Variants in CSPP1 observed in about 807,000 individuals in gnomAD.
CSPP1 encodes centrosome and spindle pole-associated protein 1.
CSPP1 carries 126 observed loss-of-function variants against 164.4 expected under a neutral mutation model. The ratio of observed to expected loss-of-function variants is 0.77; its 90% CI spans 0.66 to 0.89. The LOEUF is 0.89. Ranked by LOEUF, CSPP1 falls within the 40% of genes least tolerant of loss-of-function variation. The pLI is 0.00. For missense variants in CSPP1, 1,395 were observed against 1,449.8 expected (o/e 0.96, Z 0.61); for synonymous variants, 472 against 476.7 (o/e 0.99, Z 0.13).
At chr8:67,116,781 G>C (rs541979096) in intron 13 of CSPP1, among the ~76,000 whole-genome samples, 51 of 152,146 alleles carry the variant, frequency 3.4e-4, no homozygotes, top group African/African-American at 1.1e-3. Context: ...TTTGTTCACT[G>C]TTAGTGTATT....
chr8:67,137,949 A>C (rs922965216), intron 17 of CSPP1, among the ~76,000 whole-genome samples: 1 of 152,216 alleles, frequency 6.6e-6, no homozygotes, highest in Non-Finnish European at 1.5e-5. Flanking sequence ...CAATTTAAAA[A>C]AAATAAACTA....
intron 15 of CSPP1, among the ~76,000 whole-genome samples, chr8:67,122,278 G>T (rs910490091): frequency 3.3e-5 from 5 of 150,992 alleles, no homozygotes; most frequent in African/African-American, 1.2e-4. Context: ...CTTACTTTGG[G>T]TTCCGTTTGC....
chr8:67,077,259 T>C (rs1808135713), intron 3 of CSPP1, among the ~76,000 whole-genome samples: 1 of 152,036 alleles, frequency 6.6e-6, no homozygotes, highest in African/African-American at 2.4e-5. Flanking sequence ...GTTCAAGCAA[T>C]CCTCCTGCCT....
chr8:67,152,079 T>TC (rs1415843354), intron 18 of CSPP1, among the ~76,000 whole-genome samples: 2 of 115,572 alleles, frequency 1.7e-5, no homozygotes, highest in Non-Finnish European at 3.3e-5. Context: ...AGAGTGAGAC[T>TC]CCATCTCAAA....
chr8:67,175,180 T>A, intron 25 of CSPP1, 116 bp from the exon 26 acceptor site: 2 of 749,774 alleles, frequency 2.7e-6, no homozygotes, highest in Non-Finnish European at 4.6e-6. Context: ...TTTCACTATT[T>A]CTATCATTTC....
At chr8:67,113,566 T>C (rs1817320169) in intron 10 of CSPP1, among the ~76,000 whole-genome samples, 1 of 152,192 alleles carries the variant, frequency 6.6e-6, no homozygotes, top group African/African-American at 2.4e-5. Context: ...TGAAATACTC[T>C]AGGCATTGGC....
Position 67,184,739 on chromosome 8 carries a change from AAAAATAT to A in CSPP1, c.3220+4816_3220+4822del, listed in dbSNP as rs547375522. Among the ~76,000 whole-genome samples the A allele has an allele frequency of 8.3e-4, 115 of 139,188 alleles. 1 individual carries two copies. Among genetic ancestry groups the A allele is most frequent in the African/African-American group, 3.1e-3 (108 of 35,264 alleles). The allele number at this position is 139,188 out of a possible 152,430, so 91.3% of individuals were successfully genotyped here. On this transcript the variant is annotated intron_variant, in intron 28 of 30. Coordinates refer to ENST00000678616, the MANE Select transcript of CSPP1 (RefSeq NM_001382391.1). ...ATTCTGTCTAAAAAAATAATAATAAAAAAATATAATAATAATAATAATAATAATAAAG... is the reference window on the plus strand; with the variant it reads ...ATTCTGTCTAAAAAAATAATAATAAAAATAATAATAATAATAATAATAAAG...
intron 24 of CSPP1, among the ~76,000 whole-genome samples, chr8:67,165,944 G>T (rs901837609): frequency 6.6e-6 from 1 of 152,180 alleles, no homozygotes. Flanking sequence ...AGAAAGACTT[G>T]TGTCTTCTTC....
intron 7 of CSPP1, among the ~76,000 whole-genome samples, chr8:67,097,536 T>C (rs1586052023): frequency 6.6e-6 from 1 of 152,172 alleles, no homozygotes; most frequent in Non-Finnish European, 1.5e-5. Context: ...AATAATTCAG[T>C]TGGGGAACTG....
In CSPP1 at chr8:67,103,021, C is replaced by T; in HGVS notation, c.924-16C>T. ...CTGTATGTGGCACATGCTTTATAAG[C>T]TAATGTGTTTTTAAGGATGCACAGG... is the stretch of plus-strand genomic sequence containing the variant. On this transcript the variant is annotated splice_polypyrimidine_tract_variant and intron_variant, in intron 7 of 30. Transcript: ENST00000678616. 1 of 1,493,286 alleles carries T rather than the reference C, an allele frequency of 6.7e-7. No individual in the cohort carries two copies. Among genetic ancestry groups the T allele is most frequent in the Non-Finnish European group, 9.3e-7 (1 of 1,070,608 alleles). 92.5% of individuals were successfully genotyped at this position (1,493,286 alleles called of 1,614,324 possible).
chr8:67,093,991 G>A (rs1449946358), intron 6 of CSPP1, among the ~76,000 whole-genome samples: 1 of 150,536 alleles, frequency 6.6e-6, no homozygotes, highest in Non-Finnish European at 1.5e-5. Context: ...ATGGTGGCAG[G>A]TGCCTGTAAT....
chr8:67,068,273 A>C (rs1806003924), intron 1 of CSPP1, among the ~76,000 whole-genome samples: 1 of 152,250 alleles, frequency 6.6e-6, no homozygotes, highest in Non-Finnish European at 1.5e-5. Flanking sequence ...TAGAGCAGTT[A>C]AGGAACATGC....
In CSPP1 at chr8:67,159,822, TTCTC is replaced by T. The variant is rs35412962; in HGVS notation, c.2538+691_2538+694del. 2.5e-4 allele frequency among the ~76,000 whole-genome samples: 34 copies of T among 137,778 alleles called. No homozygotes were observed. The South Asian group carries it at 7.6e-3, about 31-fold the overall frequency. The allele number at this position is 137,778 out of a possible 152,430, so 90.4% of individuals were successfully genotyped here. ...CAGGAGTGAGCCACCACGCCCGGCC[TTCTC>T]TCTCTTTCTTTCTTTCTTTCTTTCT... On this transcript the variant is annotated intron_variant, in intron 21 of 30. Coordinates refer to ENST00000678616, the MANE Select transcript of CSPP1 (RefSeq NM_001382391.1).
intron 7 of CSPP1, among the ~76,000 whole-genome samples, chr8:67,100,648 T>G (rs1054735112): frequency 6.6e-6 from 1 of 151,364 alleles, no homozygotes; most frequent in Non-Finnish European, 1.5e-5. Context: ...GGTACAGTCT[T>G]GGCTCACTGC....
chr8:67,127,898 ATTTG>A (rs1204125282), intron 15 of CSPP1, among the ~76,000 whole-genome samples: 2 of 152,196 alleles, frequency 1.3e-5, no homozygotes, highest in East Asian at 1.9e-4. Flanking sequence ...ACTTTCAAAT[ATTTG>A]TTTGTTTCCA....
chr8:67,105,042 T>TC lies in CSPP1; in HGVS notation c.1023-862dup, dbSNP rs1274465155. Among the ~76,000 whole-genome samples the TC allele has an allele frequency of 9.8e-4, 142 of 144,894 alleles. 1 individual carries two copies. The highest frequency in any genetic ancestry group is 3.6e-3 in the African/African-American group (139 of 38,868). On this transcript the variant is annotated intron_variant, in intron 8 of 30. Coordinates refer to ENST00000678616, the MANE Select transcript of CSPP1 (RefSeq NM_001382391.1). ...AAAAGGATTTTTTTTTTTTTTTTTTTCGAGACAGAGTCTTGTTCTGTCACC... is the reference window on the plus strand; with the variant it reads ...AAAAGGATTTTTTTTTTTTTTTTTTTCCGAGACAGAGTCTTGTTCTGTCACC...
intron 17 of CSPP1, among the ~76,000 whole-genome samples, chr8:67,138,313 T>C (rs1365064170): frequency 6.6e-6 from 1 of 152,212 alleles, no homozygotes; most frequent in Non-Finnish European, 1.5e-5. Context: ...AGTGTTCGCA[T>C]ATAACCTACA....
chr8:67,072,429 A>C (rs867987855), intron 1 of CSPP1, among the ~76,000 whole-genome samples: 1 of 152,374 alleles, frequency 6.6e-6, no homozygotes, highest in Middle Eastern at 3.4e-3. Context: ...ATTGGCAGAA[A>C]ATATTTTTAC....
At chr8:67,104,527 C>T (rs1446673769) in intron 8 of CSPP1, among the ~76,000 whole-genome samples, 4 of 151,906 alleles carry the variant, frequency 2.6e-5, no homozygotes, top group African/African-American at 7.3e-5. Context: ...TGAGCCATTG[C>T]GCATGGCCAG....
Sources: allele counts gnomAD v4.1 joint callset (sites outside exome capture counted in the v4.1 genomes callset), GRCh38; gene constraint gnomAD v4.1.1; transcripts MANE v1.5; gene names NCBI Gene and HGNC (gene_info 2026-07-23, HGNC 2026-07-21).